Variants in ITPK1 observed in about 807,000 individuals in gnomAD.
The protein encoded by ITPK1 is inositol-tetrakisphosphate 1-kinase, also known as inositol 1,3,4-trisphosphate 5/6-kinase.
ITPK1 carries 21 observed loss-of-function variants against 45.3 expected under a neutral mutation model. That is an observed-to-expected ratio of 0.46 (90% confidence interval 0.33 to 0.67). The LOEUF (loss-of-function observed/expected upper bound fraction) is 0.67. Among genes scored for constraint, ITPK1 ranks in the 30% least tolerant of loss-of-function variants. ITPK1 has a pLI of 0.02. For missense variants in ITPK1, 474 were observed against 573.5 expected (o/e 0.83, Z 1.77); for synonymous variants, 258 against 253.6 (o/e 1.02, Z -0.16).
chr14:93,010,042 C>T (rs747523298), intron 4 of ITPK1, among the ~76,000 whole-genome samples: 1 of 152,190 alleles, frequency 6.6e-6, no homozygotes, highest in African/African-American at 2.4e-5. Context: ...GAGATGAGAA[C>T]GCCCGTGGCA....
chr14:92,975,745 C>A (rs1467707696), intron 5 of ITPK1, among the ~76,000 whole-genome samples: 1 of 152,194 alleles, frequency 6.6e-6, no homozygotes, highest in African/African-American at 2.4e-5. Context: ...CAGTCTCCTG[C>A]AGTAGAACCA....
intron 3 of ITPK1, among the ~76,000 whole-genome samples, chr14:93,033,087 AC>A (rs1889147184): frequency 6.6e-6 from 1 of 152,236 alleles, no homozygotes; most frequent in African/African-American, 2.4e-5. Flanking sequence ...CCCAGGGTCT[AC>A]AAATGAAATC....
chr14:92,969,349 C>T (rs1566704848), intron 5 of ITPK1, among the ~76,000 whole-genome samples: 1 of 144,552 alleles, frequency 6.9e-6, no homozygotes, highest in East Asian at 2.0e-4. Flanking sequence ...GTGGGGTATG[C>T]GATTTGAACA....
intron 5 of ITPK1, among the ~76,000 whole-genome samples, chr14:92,972,191 G>A (rs1024766456): frequency 4.6e-5 from 7 of 152,180 alleles, no homozygotes; most frequent in South Asian, 2.1e-4. Flanking sequence ...CCAGGCCTCC[G>A]CAGCCTGACT....
intron 5 of ITPK1, among the ~76,000 whole-genome samples, chr14:92,965,225 A>C (rs1885282555): frequency 6.6e-6 from 1 of 152,258 alleles, no homozygotes; most frequent in Non-Finnish European, 1.5e-5. Flanking sequence ...AACACACAGA[A>C]TCAACCAAGG....
chr14:93,015,772 G>A (rs1217104154), intron 4 of ITPK1, among the ~76,000 whole-genome samples: 1 of 152,226 alleles, frequency 6.6e-6, no homozygotes, highest in African/African-American at 2.4e-5. Context: ...AGGAAGCAAG[G>A]GGGGCCAAGG....
At chr14:92,962,221 G>T in intron 7 of ITPK1, 134 bp downstream of exon 7, 4 of 741,642 alleles carry the variant, frequency 5.4e-6, no homozygotes, top group Admixed American at 3.9e-5. Context: ...AGGGAAGGAG[G>T]CTATCTACCA....
chr14:93,044,766 G>A (rs1889709911), intron 3 of ITPK1, among the ~76,000 whole-genome samples: 1 of 152,236 alleles, frequency 6.6e-6, no homozygotes, highest in Non-Finnish European at 1.5e-5. Context: ...GGCCAGAAGG[G>A]CCACCGCAAG....
chr14:93,035,210 G>T (rs868055397), intron 3 of ITPK1, among the ~76,000 whole-genome samples: 3 of 152,194 alleles, frequency 2.0e-5, no homozygotes, highest in Non-Finnish European at 2.9e-5. Flanking sequence ...CCAGGCACTC[G>T]CTGTGGACTT....
At chr14:93,075,263 G>T (rs1171954908) in intron 3 of ITPK1, among the ~76,000 whole-genome samples, 1 of 132,780 alleles carries the variant, frequency 7.5e-6, no homozygotes, top group African/African-American at 2.8e-5. Flanking sequence ...GGAGGCAGAG[G>T]TTGCAGTGAG....
chr14:93,056,724 G>GC (rs150700004), intron 3 of ITPK1, among the ~76,000 whole-genome samples: 2,684 of 152,204 alleles, frequency 0.018, 83 homozygotes, highest in African/African-American at 0.062. Flanking sequence ...TGTTGCCATG[G>GC]CAACAGTCCA....
At chr14:93,030,730 G>T (rs144850326) in intron 3 of ITPK1, among the ~76,000 whole-genome samples, 16 of 152,120 alleles carry the variant, frequency 1.1e-4, no homozygotes, top group Non-Finnish European at 1.8e-4. Context: ...CCCAAAAAAC[G>T]GTATGTTGAA....
chr14:92,940,901 C>T lies in ITPK1; in HGVS notation c.*660G>A. The T allele has an allele frequency of 1.6e-6, 2 of 1,288,288 alleles. No individual in the cohort carries two copies. Among genetic ancestry groups the T allele is most frequent in the South Asian group, 1.2e-5 (1 of 80,974 alleles). 79.8% of individuals were successfully genotyped at this position (1,288,288 alleles called of 1,614,324 possible). A position where few individuals can be genotyped will look rare whatever the true frequency, so the allele number is the denominator to read the frequency against. On this transcript the variant is annotated 3_prime_UTR_variant, in exon 11 of 11. Transcript: ENST00000267615. ...CTAAATGGGACGTGTGTTGGGGGGC[C>T]CAGAGGACGCCCAGCTTCCTTTCCT... is the stretch of plus-strand genomic sequence containing the variant.
In ITPK1 at chr14:93,077,872, G is replaced by A. The variant is rs79011159; in HGVS notation, c.96-1253C>T. ...TGGTGTAGGGCCACCAGGACCTGCA[G>A]GGACCGAGGCACCCAAGACAGCATA... On this transcript the variant is annotated intron_variant, in intron 2 of 10. Coordinates refer to ENST00000267615, the MANE Select transcript of ITPK1 (RefSeq NM_014216.6). 6.4e-3 allele frequency among the ~76,000 whole-genome samples: 974 copies of A among 152,310 alleles called. 3 individuals are homozygous for A. The highest frequency in any genetic ancestry group is 0.011 in the Non-Finnish European group (716 of 68,034).
At chr14:93,046,045 A>G (rs1344159859) in intron 3 of ITPK1, among the ~76,000 whole-genome samples, 1 of 152,136 alleles carries the variant, frequency 6.6e-6, no homozygotes, top group African/African-American at 2.4e-5. Context: ...CCAGGCACAC[A>G]CAGAGTCCTT....
chr14:93,057,796 C>A (rs2092161761), intron 3 of ITPK1, among the ~76,000 whole-genome samples: 1 of 152,212 alleles, frequency 6.6e-6, no homozygotes, highest in Non-Finnish European at 1.5e-5. Flanking sequence ...CGACTCAGGG[C>A]TCACCCACCA....
chr14:93,030,458 C>T (rs1888981711), intron 3 of ITPK1, among the ~76,000 whole-genome samples: 1 of 152,188 alleles, frequency 6.6e-6, no homozygotes, highest in Non-Finnish European at 1.5e-5. Flanking sequence ...TTCATTCATG[C>T]ACTCATTCAT....
chr14:92,992,250 G>C (rs1209070506), intron 5 of ITPK1, among the ~76,000 whole-genome samples: 1 of 152,202 alleles, frequency 6.6e-6, no homozygotes, highest in African/African-American at 2.4e-5. Flanking sequence ...CACAGGCAGT[G>C]TCCAACAAGC....
intron 4 of ITPK1, among the ~76,000 whole-genome samples, chr14:93,013,440 G>A (rs1338731993): frequency 6.6e-6 from 1 of 152,186 alleles, no homozygotes; most frequent in Non-Finnish European, 1.5e-5. Context: ...TCCTGGCTCT[G>A]GGAATTTCTT....
Sources: gnomAD v4.1 joint callset for allele counts (sites outside exome capture counted in the v4.1 genomes callset) on GRCh38, gnomAD v4.1.1 for gene constraint, MANE v1.5 for transcripts, NCBI Gene and HGNC (gene_info 2026-07-23, HGNC 2026-07-21) for gene names.